The following SP140L variants were observed in gnomAD, a reference collection of about 807,000 sequenced individuals.
SP140L encodes nuclear body protein SP140-like protein.
In SP140L, 64 loss-of-function variants were observed where a neutral mutation model predicts 84.3. The ratio of observed to expected loss-of-function variants is 0.76; its 90% CI spans 0.62 to 0.94. The LOEUF is 0.94. Ranked by LOEUF, SP140L falls within the 40% of genes least tolerant of loss-of-function variation. SP140L has a pLI of 0.00. For missense variants in SP140L, 628 were observed against 692.5 expected (o/e 0.91, Z 1.05); for synonymous variants, 242 against 236.9 (o/e 1.02, Z -0.20).
intron 2 of SP140L, among the ~76,000 whole-genome samples, chr2:230,341,747 G>A (rs796067793): frequency 6.6e-5 from 10 of 152,074 alleles, no homozygotes; most frequent in African/African-American, 1.9e-4. Flanking sequence ...TGGAGTAACC[G>A]GCCATGTGAG....
intron 4 of SP140L, 51 bp from the exon 5 acceptor site, chr2:230,361,563 C>T (rs1453021615): frequency 7.1e-7 from 1 of 1,414,304 alleles, no homozygotes; most frequent in East Asian, 2.5e-5. Context: ...CAGGTGTTGT[C>T]CCTGGTTCTC....
chr2:230,383,566 C>G lies in SP140L; in HGVS notation c.694C>G (p.Gln232Glu), dbSNP rs1443056624. 6.2e-7 allele frequency: 1 copy of G among 1,603,216 alleles called. No individual in the cohort carries two copies. The highest frequency in any genetic ancestry group is 1.7e-5 in the Admixed American group (1 of 58,726). Residue 232 changes from glutamine (Q) to glutamate (E), a missense_variant, in exon 8 of 19, where the codon CAA becomes GAA. By Grantham distance (29) the Gln-to-Glu change is conservative. Around this residue, in one of 4 missense-constraint regions of SP140L, gnomAD observed 525 missense variants for 518.4 expected, o/e 1.01. Coordinates refer to ENST00000415673, the MANE Select transcript of SP140L (RefSeq NM_138402.6). ...RMGTRTQKNNQQNDNSKADGQ... is the reference protein window; with the variant it reads ...RMGTRTQKNNEQNDNSKADGQ... The stretch of plus-strand genomic sequence containing the variant: ...GGGAACGAGAACGCAGAAAAACAAC[C>G]AACAAAATGGTAAGCAGGCAAAGTG...
At chr2:230,366,216 G>C (rs2060864617) in intron 5 of SP140L, among the ~76,000 whole-genome samples, 1 of 152,086 alleles carries the variant, frequency 6.6e-6, no homozygotes, top group Admixed American at 6.5e-5. Context: ...AGTAGGGTAT[G>C]AAAGTCTTTT....
At position 230,393,431 on chromosome 2, in the gene SP140L, T is replaced by C. The variant is rs758853715; in HGVS notation, c.1125T>C (p.Asn375=). ...RRLMEEGSLP[N]PPRIYYRNKK... Reference sequence around the variant, plus strand: ...TCTTTCAGGAAGGATCTCTACCTAATCCTCCAAGAATATATTACAGGAACA... The same window carrying C: ...TCTTTCAGGAAGGATCTCTACCTAACCCTCCAAGAATATATTACAGGAACA... Residue 375 remains asparagine (N), a synonymous_variant, in exon 13 of 19, where the codon AAT becomes AAC. Transcript: ENST00000415673. 2.1e-5 allele frequency: 34 copies of C among 1,587,066 alleles called. No individual in the cohort carries two copies. Among genetic ancestry groups the C allele is most frequent in the Non-Finnish European group, 1.5e-5 (18 of 1,168,816 alleles).
At chr2:230,366,711 T>TTATC in intron 5 of SP140L, among the ~76,000 whole-genome samples, 1 of 3,094 alleles carries the variant, frequency 3.2e-4, no homozygotes, top group South Asian at 0.083. Context: ...GATTATTATC[T>TTATC]ATTATTATTA....
chr2:230,361,806 G>A, intron 5 of SP140L, 109 bp downstream of exon 5: 1 of 801,690 alleles, frequency 1.2e-6, no homozygotes, highest in Non-Finnish European at 2.0e-6. Context: ...GGAAGACACA[G>A]GGAAGGACCA....
chr2:230,346,665 T>C (rs1397114008), intron 2 of SP140L, among the ~76,000 whole-genome samples: 1 of 152,196 alleles, frequency 6.6e-6, no homozygotes, highest in Non-Finnish European at 1.5e-5. Context: ...AGTAAGCTGT[T>C]GGAATTTTCT....
At chr2:230,371,079 C>A in intron 6 of SP140L, 112 bp downstream of exon 6, 1 of 890,692 alleles carries the variant, frequency 1.1e-6, no homozygotes, top group Non-Finnish European at 1.8e-6. Flanking sequence ...GTGCATTTGC[C>A]TCACCCAAGC....
intron 7 of SP140L, among the ~76,000 whole-genome samples, chr2:230,378,141 ATTAC>A (rs1435317379): frequency 6.6e-6 from 1 of 152,072 alleles, no homozygotes; most frequent in Non-Finnish European, 1.5e-5. Flanking sequence ...GTTTAGGTCT[ATTAC>A]TTGACTTTTT....
intron 7 of SP140L, chr2:230,372,724 C>CAAAAAAAAA (rs58923161): frequency 2.5e-4 from 23 of 90,358 alleles, no homozygotes; most frequent in Middle Eastern, 6.0e-3. Context: ...GACTCCGTCT[C>CAAAAAAAAA]AAAAAAAAAA....
At chr2:230,354,848 GGAAA>G (rs61603133) in intron 2 of SP140L, among the ~76,000 whole-genome samples, 12,771 of 108,718 alleles carry the variant, frequency 0.12, 720 homozygotes, top group South Asian at 0.18. Context: ...AAGAAAGAAA[GGAAA>G]GAAAGAAAGA....
chr2:230,347,291 CTG>C (rs966589313), intron 2 of SP140L, among the ~76,000 whole-genome samples: 13 of 152,122 alleles, frequency 8.5e-5, no homozygotes, highest in Non-Finnish European at 1.9e-4. Flanking sequence ...AGGTTAGGCT[CTG>C]TGATTAATCA....
Position 230,402,927 on chromosome 2 carries a change from AAATATGC to A in SP140L, c.*32_*38del. The A allele has an allele frequency of 6.4e-7, 1 of 1,567,856 alleles. No individual in the cohort carries two copies. Among genetic ancestry groups the A allele is most frequent in the East Asian group, 2.3e-5 (1 of 43,690 alleles). ...TTAGTGGATGCTGAAGGCCTTCAGGAAATATGCTACTGGTTGCCACTGACTTCAAACT... is the reference window on the plus strand; with the variant it reads ...TTAGTGGATGCTGAAGGCCTTCAGGATACTGGTTGCCACTGACTTCAAACT... On this transcript the variant is annotated 3_prime_UTR_variant, in exon 19 of 19. Transcript: ENST00000415673.
chr2:230,389,913 T>A lies in SP140L; in HGVS notation c.860-6T>A. ...TGAGACAGAATGAAGAAATCCTCTCTTTCAGCTTCAAGAAAGCACAAAGAT... is the reference window on the plus strand; with the variant it reads ...TGAGACAGAATGAAGAAATCCTCTCATTCAGCTTCAAGAAAGCACAAAGAT... On this transcript the variant is annotated splice_region_variant and splice_polypyrimidine_tract_variant and intron_variant, in intron 10 of 18. Transcript: ENST00000415673. 6.2e-7 allele frequency: 1 copy of A among 1,613,498 alleles called. No individual in the cohort carries two copies. Among genetic ancestry groups the A allele is most frequent in the Non-Finnish European group, 8.5e-7 (1 of 1,179,648 alleles).
chr2:230,332,728 C>T (rs1315789843), intron 2 of SP140L, among the ~76,000 whole-genome samples: 3 of 152,176 alleles, frequency 2.0e-5, no homozygotes, highest in African/African-American at 7.2e-5. Context: ...CCCAGGCACC[C>T]TGCAGAATTC....
In SP140L at chr2:230,361,714, A is replaced by G; in HGVS notation, c.523+17A>G. ...TTAAACAAGGTAAAAATGACAGAAT[A>G]AAAACGGTTTCTCATCCGCTAAGAG... On this transcript the variant is annotated intron_variant, in intron 5 of 18. Transcript: ENST00000415673. The G allele has an allele frequency of 1.3e-6, 2 of 1,542,670 alleles. No individual in the cohort carries two copies. Among genetic ancestry groups the G allele is most frequent in the South Asian group, 2.4e-5 (2 of 83,888 alleles).
chr2:230,394,939 C>G (rs899415467), intron 13 of SP140L, among the ~76,000 whole-genome samples: 5 of 152,196 alleles, frequency 3.3e-5, no homozygotes, highest in African/African-American at 1.2e-4. Context: ...ATCTGATACA[C>G]TCACCCAGAA....
intron 14 of SP140L, among the ~76,000 whole-genome samples, chr2:230,398,427 A>G (rs1384287698): frequency 6.6e-6 from 1 of 152,256 alleles, no homozygotes; most frequent in Non-Finnish European, 1.5e-5. Context: ...AAGAGGCAGG[A>G]CTAACTTCCA....
Position 230,400,872 on chromosome 2 carries a change from C to T in SP140L, c.1314-83C>T, listed in dbSNP as rs1186960496. The T allele has an allele frequency of 1.8e-5, 27 of 1,490,730 alleles. No homozygotes were observed. In the East Asian group the frequency reaches 6.5e-4, roughly 36 times the overall value. The allele number at this position is 1,490,730 out of a possible 1,614,324, so 92.3% of individuals were successfully genotyped here. A position where few individuals can be genotyped will look rare whatever the true frequency, so the allele number is the denominator to read the frequency against. On this transcript the variant is annotated intron_variant, in intron 15 of 18. Transcript: ENST00000415673. Reference sequence around the variant, plus strand: ...CCATGACTGAGCCCATCAGCCATTCCTGAAGGAAGACAGTGGTAGCCACAG... The same window carrying T: ...CCATGACTGAGCCCATCAGCCATTCTTGAAGGAAGACAGTGGTAGCCACAG...
Sources: allele counts gnomAD v4.1 joint callset (sites outside exome capture counted in the v4.1 genomes callset), GRCh38; gene constraint gnomAD v4.1.1; regional missense constraint gnomAD v4.1.1; transcripts MANE v1.5; gene names NCBI Gene and HGNC (gene_info 2026-07-23, HGNC 2026-07-21).